Variants in PPP1R3E observed in about 807,000 individuals in gnomAD.
The protein encoded by PPP1R3E is protein phosphatase 1, regulatory (inhibitor) subunit 3E.
In PPP1R3E, 20 loss-of-function variants were observed where a neutral mutation model predicts 18.5. That is an observed-to-expected ratio of 1.08 (90% confidence interval 0.76 to 1.58). PPP1R3E has a LOEUF of 1.58. Ranked by LOEUF, PPP1R3E falls within the 40% of genes most tolerant of loss-of-function variation. The pLI is 0.00. For missense variants in PPP1R3E, 498 were observed against 460.2 expected (o/e 1.08, Z -0.75); for synonymous variants, 208 against 208.1 (o/e 1.00, Z 0.00).
intron 3 of PPP1R3E, among the ~76,000 whole-genome samples, chr14:23,299,927 GTTTT>G (rs3079707): frequency 7.9e-5 from 8 of 100,786 alleles, no homozygotes; most frequent in South Asian, 3.7e-4. Context: ...TTTTGTTTTT[GTTTT>G]TTTTTTTTTT....
rs1479213600 is a variant in PPP1R3E, at chr14:23,297,168, A to G, written c.*2136T>C. The G allele has an allele frequency of 6.6e-6, 1 of 152,206 alleles. No homozygotes were observed. The highest frequency in any genetic ancestry group is 1.5e-5 in the Non-Finnish European group (1 of 68,052). The allele number at this position is 152,206 out of a possible 1,614,324, so 9.4% of individuals were successfully genotyped here. A position where few individuals can be genotyped will look rare whatever the true frequency, so the allele number is the denominator to read the frequency against. On this transcript the variant is annotated 3_prime_UTR_variant, in exon 5 of 5. Coordinates refer to ENST00000452015, the MANE Select transcript of PPP1R3E (RefSeq NM_001276318.2). ...GTTATATTCCAAATTGCTCCTGTTCATATAGTCATGAGCCATCAGAGGAGT... is the reference window on the plus strand; with the variant it reads ...GTTATATTCCAAATTGCTCCTGTTCGTATAGTCATGAGCCATCAGAGGAGT...
rs527781300 is a variant in PPP1R3E, at chr14:23,301,823, G to A, written c.453C>T (p.Pro151=). The change falls in exon 2 of 5, where the codon CCC becomes CCT. Residue 151 remains proline (P), a synonymous_variant. Coordinates refer to ENST00000452015, the MANE Select transcript of PPP1R3E (RefSeq NM_001276318.2). ...GCGTCAGCAAGCGGGCGGCGAAGCC[G>A]GGCTCGCTGGCCGGCTCCAGGGCGG... The part of the protein sequence containing the change: ...ARAALEPASE[P]GFAARLLTQR... 134 of 1,470,830 alleles carry A rather than the reference G, an allele frequency of 9.1e-5. 1 individual carries two copies. In the South Asian group the frequency reaches 1.3e-3, roughly 15 times the overall value. 91.1% of individuals were successfully genotyped at this position (1,470,830 alleles called of 1,614,324 possible).
At position 23,302,512 on chromosome 14, in the gene PPP1R3E, G is replaced by A; in HGVS notation, c.65C>T (p.Thr22Met). The change falls in exon 1 of 5, where the codon ACG (threonine) becomes ATG (methionine). Residue 22 changes from threonine (T) to methionine (M), a missense_variant. Thr to Met is a moderately conservative substitution (Grantham distance 81). Transcript: ENST00000452015. ...PRNLSFIAAL[T>M]ERAYYRSQRP... is the part of the protein sequence containing the mutation. ...CTGGCTACGGTAGTAGGCGCGCTCC[G>A]TTAGCGCGGCGATGAAGCTCAGGTT... 1 of 1,503,420 alleles carries A rather than the reference G, an allele frequency of 6.7e-7. No individual in the cohort carries two copies. The highest frequency in any genetic ancestry group is 8.8e-7 in the Non-Finnish European group (1 of 1,134,250). 93.1% of individuals were successfully genotyped at this position (1,503,420 alleles called of 1,614,324 possible).
intron 2 of PPP1R3E, 142 bp from the exon 3 acceptor site, chr14:23,301,006 ACCT>A (rs1485120906): frequency 6.1e-6 from 1 of 163,432 alleles, no homozygotes; most frequent in East Asian, 1.7e-4. Context: ...TTCACATCAT[ACCT>A]CCTCCATCTC....
At position 23,302,512 on chromosome 14, in the gene PPP1R3E, G is replaced by T. The variant is rs1156393872; in HGVS notation, c.65C>A (p.Thr22Lys). The change falls in exon 1 of 5, where the codon ACG (threonine) becomes AAG (lysine). Residue 22 changes from threonine (T) to lysine (K), a missense_variant. Thr to Lys is a moderately conservative substitution (Grantham distance 78). Coordinates refer to ENST00000452015, the MANE Select transcript of PPP1R3E (RefSeq NM_001276318.2). ...PRNLSFIAALTERAYYRSQRP... is the reference protein window; with the variant it reads ...PRNLSFIAALKERAYYRSQRP... ...CTGGCTACGGTAGTAGGCGCGCTCC[G>T]TTAGCGCGGCGATGAAGCTCAGGTT... 2.7e-6 allele frequency: 4 copies of T among 1,503,302 alleles called. No homozygotes were observed. In the South Asian group the frequency reaches 5.0e-5, roughly 19 times the overall value. The allele number at this position is 1,503,302 out of a possible 1,614,324, so 93.1% of individuals were successfully genotyped here.
chr14:23,299,001 C>CT (rs1292457505), intron 4 of PPP1R3E, 84 bp from the exon 5 acceptor site: 1 of 154,312 alleles, frequency 6.5e-6, no homozygotes, highest in African/African-American at 2.4e-5. Context: ...GAGTCTCACT[C>CT]TGTCACCCAG....
rs1886908124 is a variant in PPP1R3E, at chr14:23,297,488, T to C, written c.*1816A>G. The C allele has an allele frequency of 6.6e-6, 1 of 151,924 alleles. No homozygotes were observed. The highest frequency in any genetic ancestry group is 6.6e-5 in the Admixed American group (1 of 15,234). 9.4% of individuals were successfully genotyped at this position (151,924 alleles called of 1,614,324 possible). A position where few individuals can be genotyped will look rare whatever the true frequency, so the allele number is the denominator to read the frequency against. On this transcript the variant is annotated 3_prime_UTR_variant, in exon 5 of 5. Transcript: ENST00000452015. ...CCCAAGGTGAGGAAAAGCCAGGGGG[T>C]TGGGAAAATCTCAGTGCTGAAGTCC... is the stretch of plus-strand genomic sequence containing the variant.
Position 23,298,586 on chromosome 14 carries a change from G to A in PPP1R3E, c.*718C>T, listed in dbSNP as rs1886941195. The A allele has an allele frequency of 6.5e-6, 1 of 154,340 alleles. No homozygotes were observed. The highest frequency in any genetic ancestry group is 2.4e-5 in the African/African-American group (1 of 41,512). 9.6% of individuals were successfully genotyped at this position (154,340 alleles called of 1,614,324 possible). A position where few individuals can be genotyped will look rare whatever the true frequency, so the allele number is the denominator to read the frequency against. ...AAAACCCAGATTTGCGCACACAAGT[G>A]TTAAGTAAATGTGAGCCCTCACTAT... is the stretch of plus-strand genomic sequence containing the variant. On this transcript the variant is annotated 3_prime_UTR_variant, in exon 5 of 5. Coordinates refer to ENST00000452015, the MANE Select transcript of PPP1R3E (RefSeq NM_001276318.2).
intron 1 of PPP1R3E, 107 bp downstream of exon 1, chr14:23,302,053 C>T (rs1165633545): frequency 7.7e-7 from 1 of 1,301,262 alleles, no homozygotes; most frequent in African/African-American, 1.6e-5. Context: ...CAGGCGCAAG[C>T]CCAGGGATGG....
At position 23,296,531 on chromosome 14, in the gene PPP1R3E, G is replaced by A. The variant is rs578094533; in HGVS notation, c.*2773C>T. Reference sequence around the variant, plus strand: ...TGCCCAGCTAATTTTAAAAGTTTTTGTAGAGACAGGGTCCCACTATGTTGC... The same window carrying A: ...TGCCCAGCTAATTTTAAAAGTTTTTATAGAGACAGGGTCCCACTATGTTGC... On this transcript the variant is annotated 3_prime_UTR_variant, in exon 5 of 5. Coordinates refer to ENST00000452015, the MANE Select transcript of PPP1R3E (RefSeq NM_001276318.2). The A allele has an allele frequency of 3.9e-5, 6 of 152,142 alleles. No individual in the cohort carries two copies. The highest frequency in any genetic ancestry group is 1.4e-4 in the African/African-American group (6 of 41,488). 9.4% of individuals were successfully genotyped at this position (152,142 alleles called of 1,614,324 possible). A position where few individuals can be genotyped will look rare whatever the true frequency, so the allele number is the denominator to read the frequency against.
intron 3 of PPP1R3E, among the ~76,000 whole-genome samples, chr14:23,299,933 T>TTTTTG (rs1555325103): frequency 9.2e-5 from 10 of 108,474 alleles, no homozygotes; most frequent in Admixed American, 4.8e-4. Context: ...TTTTGTTTTT[T>TTTTTG]TTTTTTTTTT....
Position 23,302,770 on chromosome 14 carries a change from T to G in PPP1R3E, c.-194A>C. 5.5e-6 allele frequency: 3 copies of G among 541,620 alleles called. No individual in the cohort carries two copies. Among genetic ancestry groups the G allele is most frequent in the Non-Finnish European group, 9.4e-6 (3 of 319,828 alleles). The allele number at this position is 541,620 out of a possible 1,614,324, so 33.6% of individuals were successfully genotyped here. The stretch of plus-strand genomic sequence containing the variant: ...CTTTGCCTCTCCTCTGTGACCACCC[T>G]TCCCTCCCTCTGGCCGTCAGCTTCC... On this transcript the variant is annotated 5_prime_UTR_variant, in exon 1 of 5. Transcript: ENST00000452015.
In PPP1R3E at chr14:23,302,389, C is replaced by T. The variant is rs1887070574; in HGVS notation, c.188G>A (p.Arg63Gln). Residue 63 changes from arginine to glutamine, a missense_variant, in exon 1 of 5, where the codon CGG (arginine) becomes CAG (glutamine). Coordinates refer to ENST00000452015, the MANE Select transcript of PPP1R3E (RefSeq NM_001276318.2). ...GCCTCCGGCTGGTGCAGATCGGGCC[C>T]GGCGGCCCCGACTCGGTGCGTGAGC... Reference protein sequence around the residue: ...SRAHAPSRGRRARSAPAGGGG... With the variant: ...SRAHAPSRGRQARSAPAGGGG... 1.3e-6 allele frequency: 2 copies of T among 1,488,414 alleles called. No homozygotes were observed. The highest frequency in any genetic ancestry group is 2.3e-5 in the Admixed American group (1 of 42,894). The allele number at this position is 1,488,414 out of a possible 1,614,324, so 92.2% of individuals were successfully genotyped here.
chr14:23,301,829 G>C lies in PPP1R3E; in HGVS notation c.447C>G (p.Ser149Arg), dbSNP rs775685361. The C allele has an allele frequency of 2.4e-5, 35 of 1,469,816 alleles. No homozygotes were observed. The South Asian group carries it at 3.1e-4, about 13-fold the overall frequency. The allele number at this position is 1,469,816 out of a possible 1,614,324, so 91.0% of individuals were successfully genotyped here. The change falls in exon 2 of 5, where the codon AGC becomes AGG. Residue 149 changes from serine to arginine, a missense_variant. Physicochemically the swap from Ser to Arg is moderately radical, Grantham distance 110. Transcript: ENST00000452015. Reference sequence around the variant, plus strand: ...GCAAGCGGGCGGCGAAGCCGGGCTCGCTGGCCGGCTCCAGGGCGGCGCGCG... The same window carrying C: ...GCAAGCGGGCGGCGAAGCCGGGCTCCCTGGCCGGCTCCAGGGCGGCGCGCG... ...QEARAALEPA[S>R]EPGFAARLLT...
Position 23,302,405 on chromosome 14 carries a change from G to A in PPP1R3E, c.172C>T (p.Pro58Ser), listed in dbSNP as rs1296129861. ...GATCGGGCCCGGCGGCCCCGACTCG[G>A]TGCGTGAGCGCGGGATCGGGCCCCG... ...RFGARSRAHA[P>S]SRGRRARSAP... Residue 58 changes from proline to serine, a missense_variant, in exon 1 of 5, where the codon CCG becomes TCG. Physicochemically the swap from Pro to Ser is moderately conservative, Grantham distance 74 (BLOSUM62 -1). Transcript: ENST00000452015. The A allele has an allele frequency of 1.3e-6, 2 of 1,492,378 alleles. No individual in the cohort carries two copies. The highest frequency in any genetic ancestry group is 8.8e-7 in the Non-Finnish European group (1 of 1,131,434). 92.4% of individuals were successfully genotyped at this position (1,492,378 alleles called of 1,614,324 possible).
At position 23,302,729 on chromosome 14, in the gene PPP1R3E, C is replaced by T; in HGVS notation, c.-153G>A. 2.7e-6 allele frequency: 2 copies of T among 736,966 alleles called. No homozygotes were observed. The highest frequency in any genetic ancestry group is 4.1e-6 in the Non-Finnish European group (2 of 492,720). The allele number at this position is 736,966 out of a possible 1,614,324, so 45.7% of individuals were successfully genotyped here. A position where few individuals can be genotyped will look rare whatever the true frequency, so the allele number is the denominator to read the frequency against. On this transcript the variant is annotated 5_prime_UTR_variant, in exon 1 of 5. Coordinates refer to ENST00000452015, the MANE Select transcript of PPP1R3E (RefSeq NM_001276318.2). The stretch of plus-strand genomic sequence containing the variant: ...TTCTCCTTGCAGACACCTCCAGGAT[C>T]CTCCACCTCCCGTTGCTTTGCCTCT...
Position 23,302,613 on chromosome 14 carries a change from C to T in PPP1R3E, c.-37G>A, listed in dbSNP as rs917360469. 1.9e-5 allele frequency: 27 copies of T among 1,400,226 alleles called. No individual in the cohort carries two copies. The highest frequency in any genetic ancestry group is 2.4e-5 in the Non-Finnish European group (26 of 1,087,314). The allele number at this position is 1,400,226 out of a possible 1,614,324, so 86.7% of individuals were successfully genotyped here. On this transcript the variant is annotated 5_prime_UTR_variant, in exon 1 of 5. Transcript: ENST00000452015. ...CCCCGGCGGGGCCAGCTCGCAGCGC[C>T]ACCGCGCTCCCCTCTCTTCCTCTCT... is the stretch of plus-strand genomic sequence containing the variant.
chr14:23,301,916 G>A, intron 1 of PPP1R3E, 58 bp from the exon 2 acceptor site: 2 of 1,390,014 alleles, frequency 1.4e-6, no homozygotes, highest in Middle Eastern at 2.6e-4. Context: ...GGAGAGACAG[G>A]GGGCGGTGTC....
chr14:23,299,928 T>TTTTTG (rs1555325092), intron 3 of PPP1R3E, among the ~76,000 whole-genome samples: 34 of 2,718 alleles, frequency 0.013, no homozygotes, highest in South Asian at 0.038. Context: ...TTTGTTTTTG[T>TTTTTG]TTTTTTTTTT....
Sources: allele counts gnomAD v4.1 joint callset (sites outside exome capture counted in the v4.1 genomes callset), GRCh38; gene constraint gnomAD v4.1.1; transcripts MANE v1.5; gene names NCBI Gene and HGNC (gene_info 2026-07-23, HGNC 2026-07-21).